PTPRD: variants seen among roughly 807,000 people sequenced by gnomAD.
PTPRD encodes the protein protein tyrosine phosphatase receptor type D, also known as receptor-type tyrosine-protein phosphatase delta.
In PTPRD, 34 loss-of-function variants were observed where a neutral mutation model predicts 214.5. The ratio of observed to expected loss-of-function variants is 0.16; its 90% CI spans 0.12 to 0.21. PTPRD has a LOEUF of 0.21. Among genes scored for constraint, PTPRD ranks in the 10% least tolerant of loss-of-function variants. The probability of loss-of-function intolerance (pLI) is 1.00; values close to 1 mark genes in which losing one functional copy is unlikely to be tolerated. For synonymous variants in PTPRD, 1,128 were observed against 845.7 expected (o/e 1.33, Z -5.79); for missense variants, 2,545 against 2,398.7 (o/e 1.06, Z -1.27).
At chr9:9,271,375 A>C (rs1231573878) in intron 9 of PTPRD, among the ~76,000 whole-genome samples, 1 of 151,204 alleles carries the variant, frequency 6.6e-6, no homozygotes, top group Non-Finnish European at 1.5e-5. Context: ...ACTTCTAATT[A>C]ACTATTTATC....
intron 8 of PTPRD, among the ~76,000 whole-genome samples, chr9:9,490,714 C>T (rs2095857826): frequency 1.3e-5 from 2 of 151,402 alleles, no homozygotes; most frequent in Non-Finnish European, 1.5e-5. Flanking sequence ...AAGAAAGCAG[C>T]TATAAAATAT....
intron 5 of PTPRD, among the ~76,000 whole-genome samples, chr9:9,769,539 G>C (rs2098735116): frequency 6.6e-6 from 1 of 151,728 alleles, no homozygotes; most frequent in Admixed American, 6.6e-5. Flanking sequence ...TGTTAGCCAG[G>C]ATGGGCTCGA....
At chr9:8,473,923 G>C (rs925430111) in intron 30 of PTPRD, among the ~76,000 whole-genome samples, 3 of 152,192 alleles carry the variant, frequency 2.0e-5, no homozygotes, top group Admixed American at 6.5e-5. Context: ...TTGAAATTCT[G>C]TATCATACAA....
chr9:9,652,186 C>G (rs972040780), intron 7 of PTPRD, among the ~76,000 whole-genome samples: 2 of 152,054 alleles, frequency 1.3e-5, no homozygotes, highest in Non-Finnish European at 2.9e-5. Context: ...GCCTCAAAGC[C>G]TTTCTGCTCT....
chr9:10,372,620 C>A (rs1203006786), intron 2 of PTPRD, among the ~76,000 whole-genome samples: 1 of 151,872 alleles, frequency 6.6e-6, no homozygotes, highest in African/African-American at 2.4e-5. Context: ...TTTACATATT[C>A]CATTACGTCC....
chr9:8,838,373 A>G (rs1190791518), intron 11 of PTPRD, among the ~76,000 whole-genome samples: 2 of 152,166 alleles, frequency 1.3e-5, no homozygotes, highest in Non-Finnish European at 2.9e-5. Flanking sequence ...CCACAACCAT[A>G]TATCACTAGA....
intron 18 of PTPRD, chr9:8,524,722 A>G (rs1173252092): frequency 2.8e-6 from 2 of 709,212 alleles, no homozygotes; most frequent in Non-Finnish European, 5.1e-6. Context: ...AAGCCTCAGG[A>G]CAGATTATAC....
intron 11 of PTPRD, among the ~76,000 whole-genome samples, chr9:8,933,339 G>GTTTTTTTTTTTTTTTTTTT (rs1567089304): frequency 5.8e-5 from 4 of 68,798 alleles, no homozygotes; most frequent in Admixed American, 1.6e-4. Flanking sequence ...ACAACCTTGA[G>GTTTTTTTTTTTTTTTTTTT]GTTTTTTTTT....
chr9:10,290,050 A>G (rs2095485032), intron 3 of PTPRD, among the ~76,000 whole-genome samples: 1 of 152,132 alleles, frequency 6.6e-6, no homozygotes, highest in African/African-American at 2.4e-5. Context: ...AACAAAGAAA[A>G]TCTGACAGGA....
chr9:9,193,484 C>T (rs1049036649), intron 9 of PTPRD, among the ~76,000 whole-genome samples: 2 of 152,120 alleles, frequency 1.3e-5, no homozygotes, highest in African/African-American at 4.8e-5. Context: ...ATTGTATGCA[C>T]ACCACAGAGT....
intron 3 of PTPRD, among the ~76,000 whole-genome samples, chr9:10,101,123 C>A (rs2098547730): frequency 6.6e-6 from 1 of 151,606 alleles, no homozygotes; most frequent in Non-Finnish European, 1.5e-5. Context: ...CTGAAAGTTT[C>A]TCCTATAACA....
At chr9:9,503,464 G>A (rs563808608) in intron 8 of PTPRD, among the ~76,000 whole-genome samples, 22 of 151,560 alleles carry the variant, frequency 1.5e-4, no homozygotes, top group African/African-American at 5.3e-4. Context: ...AGGTTCAAAT[G>A]GGCGCTCAAG....
intron 14 of PTPRD, among the ~76,000 whole-genome samples, chr9:8,606,709 T>C (rs924699574): frequency 6.6e-6 from 1 of 152,180 alleles, no homozygotes; most frequent in African/African-American, 2.4e-5. Flanking sequence ...AAACAGTCTT[T>C]TCATATTTTG....
At chr9:10,031,760 T>A (rs570632599) in intron 4 of PTPRD, among the ~76,000 whole-genome samples, 15 of 151,326 alleles carry the variant, frequency 9.9e-5, no homozygotes, top group African/African-American at 3.4e-4. Context: ...CTATTTTTTT[T>A]ATGGAGTTTA....
chr9:10,233,299 A>G (rs10958967), intron 3 of PTPRD, among the ~76,000 whole-genome samples: 19 of 152,118 alleles, frequency 1.2e-4, no homozygotes, highest in Non-Finnish European at 2.5e-4. Context: ...TTGCATGCCA[A>G]CATTTCAAAT....
Position 9,785,148 on chromosome 9 carries a change from C to T in PTPRD, c.-367-18297G>A, listed in dbSNP as rs574118756. 5.3e-5 allele frequency among the ~76,000 whole-genome samples: 8 copies of T among 151,720 alleles called. No homozygotes were observed. The South Asian group carries it at 1.5e-3, about 28-fold the overall frequency. On this transcript the variant is annotated intron_variant, in intron 5 of 45. Transcript: ENST00000381196. ...TTCTGCTCAATATTGATGGCAAATA[C>T]TATTTTAAGTAACAAAAATCTTATT...
At chr9:8,564,378 G>A (rs1275762121) in intron 14 of PTPRD, among the ~76,000 whole-genome samples, 18 of 152,030 alleles carry the variant, frequency 1.2e-4, no homozygotes, top group Admixed American at 1.0e-3. Flanking sequence ...ACTATCAGGC[G>A]TGTTTCAACA....
chr9:8,704,371 G>A (rs531684521), intron 12 of PTPRD, among the ~76,000 whole-genome samples: 1 of 152,186 alleles, frequency 6.6e-6, no homozygotes, highest in East Asian at 1.9e-4. Context: ...AGGAGTTACA[G>A]GGAAGGAGGA....
At chr9:8,554,531 G>C (rs1330722562) in intron 14 of PTPRD, among the ~76,000 whole-genome samples, 1 of 152,142 alleles carries the variant, frequency 6.6e-6, no homozygotes, top group Non-Finnish European at 1.5e-5. Flanking sequence ...CCCATAAAAA[G>C]AAGAAAAGTG....
Sources: gnomAD v4.1 joint callset for allele counts (sites outside exome capture counted in the v4.1 genomes callset) on GRCh38, gnomAD v4.1.1 for gene constraint, MANE v1.5 for transcripts, NCBI Gene and HGNC (gene_info 2026-07-23, HGNC 2026-07-21) for gene names.